Variants in KIF24 observed in about 807,000 individuals in gnomAD.
KIF24 encodes the protein kinesin-like protein KIF24.
Under a neutral mutation model 118.9 loss-of-function variants are expected in KIF24, and 81 were observed. That is an observed-to-expected ratio of 0.68 (90% CI 0.57 to 0.82). The LOEUF (loss-of-function observed/expected upper bound fraction) is 0.82, where lower values mean the gene tolerates loss of function less well. Ranked by LOEUF, KIF24 falls within the 40% of genes least tolerant of loss-of-function variation. The probability of loss-of-function intolerance (pLI) is 0.00; values close to 1 mark genes in which losing one functional copy is unlikely to be tolerated. For synonymous variants in KIF24, 599 were observed against 610.0 expected (o/e 0.98, Z 0.27); for missense variants, 1,560 against 1,661.6 (o/e 0.94, Z 1.06).
rs766479037 is a variant in KIF24, at chr9:34,318,298, G to A, written c.-25-6927C>T. 3.4e-5 allele frequency: 19 copies of A among 558,506 alleles called. No homozygotes were observed. Among genetic ancestry groups the A allele is most frequent in the South Asian group, 1.2e-4 (6 of 48,632 alleles). 34.6% of individuals were successfully genotyped at this position (558,506 alleles called of 1,614,324 possible). On this transcript the variant is annotated intron_variant, in intron 1 of 12. Transcript: ENST00000402558. This position sits in a 1 kb window ranked among gnomAD's most constrained non-coding sequence, Gnocchi z 4.9. ...GAAGAGTAGAATCGTGTCGCGGCTC[G>A]AGAGCGAGACTCCCGTCTTGGAGCC...
chr9:34,298,234 T>C (rs771137519), intron 3 of KIF24, among the ~76,000 whole-genome samples: 5 of 152,046 alleles, frequency 3.3e-5, no homozygotes, highest in Non-Finnish European at 7.4e-5. Context: ...TGAAATACAG[T>C]ATCACAGTAA....
At chr9:34,303,427 C>T (rs1836800377) in intron 3 of KIF24, among the ~76,000 whole-genome samples, 1 of 152,162 alleles carries the variant, frequency 6.6e-6, no homozygotes, top group Non-Finnish European at 1.5e-5. Context: ...TAAACAGATG[C>T]TTTTATAGTG....
At chr9:34,286,549 G>A in intron 6 of KIF24, 68 bp downstream of exon 6, 1 of 1,148,140 alleles carries the variant, frequency 8.7e-7, no homozygotes, top group Admixed American at 1.7e-5. Flanking sequence ...TTGCTTAGTA[G>A]CAAAATGAAT....
chr9:34,284,414 T>C (rs970371579), intron 6 of KIF24, among the ~76,000 whole-genome samples: 1 of 152,136 alleles, frequency 6.6e-6, no homozygotes, highest in Non-Finnish European at 1.5e-5. Context: ...ATGCTCCAAA[T>C]AACTCTAAAA....
upstream of KIF24, among the ~76,000 whole-genome samples, chr9:34,332,839 T>C (rs556732495): frequency 6.6e-6 from 1 of 152,352 alleles, no homozygotes; most frequent in South Asian, 2.1e-4. Flanking sequence ...TGCATTTCTT[T>C]CTTTTTTCTT....
At chr9:34,261,568 A>G (rs1835058512) in intron 9 of KIF24, among the ~76,000 whole-genome samples, 2 of 152,264 alleles carry the variant, frequency 1.3e-5, no homozygotes, top group Non-Finnish European at 2.9e-5. Flanking sequence ...GTGGTCATAC[A>G]GTACATGATC....
chr9:34,319,398 A>G (rs533734481), intron 1 of KIF24: 7 of 921,726 alleles, frequency 7.6e-6, no homozygotes, highest in South Asian at 4.0e-5. Context: ...TGACAAGAAC[A>G]AGGCAAACTT....
At chr9:34,298,011 C>A (rs1396546858) in intron 3 of KIF24, among the ~76,000 whole-genome samples, 1 of 151,820 alleles carries the variant, frequency 6.6e-6, no homozygotes, top group African/African-American at 2.4e-5. Context: ...AAGTACGTGT[C>A]GATTTCAAAG....
intron 6 of KIF24, among the ~76,000 whole-genome samples, chr9:34,281,185 C>T (rs576992487): frequency 3.9e-5 from 6 of 152,208 alleles, no homozygotes; most frequent in African/African-American, 7.2e-5. Context: ...ACCACCATAC[C>T]CGGCTCATTT....
At chr9:34,261,975 C>G (rs1283179615) in intron 9 of KIF24, among the ~76,000 whole-genome samples, 1 of 152,012 alleles carries the variant, frequency 6.6e-6, no homozygotes, top group African/African-American at 2.4e-5. Context: ...TTTTTGTCGC[C>G]CAGGCTGGAG....
chr9:34,296,493 C>T lies in KIF24; in HGVS notation c.911+524G>A, dbSNP rs192595805. ...CAGAGCTTGCAGTGAGCTGAGATCA[C>T]GCCACTGCACTCCAGCCTGGGCGAC... On this transcript the variant is annotated intron_variant, in intron 4 of 12. Transcript: ENST00000402558. 4.3e-3 allele frequency among the ~76,000 whole-genome samples: 641 copies of T among 150,810 alleles called. 3 individuals carry two copies. The highest frequency in any genetic ancestry group is 6.8e-3 in the Middle Eastern group (2 of 294).
intron 4 of KIF24, among the ~76,000 whole-genome samples, chr9:34,293,207 C>T (rs1330050512): frequency 3.3e-5 from 5 of 152,082 alleles, no homozygotes; most frequent in South Asian, 2.1e-4. Context: ...GGGCCAGGCA[C>T]GGTGGCTCAC....
upstream of KIF24, among the ~76,000 whole-genome samples, chr9:34,330,074 C>T (rs1837850331): frequency 6.6e-6 from 1 of 152,232 alleles, no homozygotes; most frequent in African/African-American, 2.4e-5. Context: ...AACAAGAGCC[C>T]CACCGCCTTA....
intron 6 of KIF24, 42 bp from the exon 7 acceptor site, chr9:34,271,972 C>A: frequency 6.5e-7 from 1 of 1,543,832 alleles, no homozygotes; most frequent in South Asian, 1.2e-5. Context: ...AAGGAGTAAA[C>A]AAAAGCCTCT....
intron 8 of KIF24, among the ~76,000 whole-genome samples, chr9:34,266,677 C>T (rs1484214789): frequency 9.5e-6 from 1 of 105,310 alleles, no homozygotes; most frequent in Non-Finnish European, 2.0e-5. Context: ...GACTCCATCT[C>T]AGAAAAAAAA....
chr9:34,315,117 T>C (rs1426104652), intron 1 of KIF24, among the ~76,000 whole-genome samples: 1 of 152,220 alleles, frequency 6.6e-6, no homozygotes. Context: ...TATTGTCATT[T>C]CTATGTCACT....
chr9:34,283,566 G>A (rs1235509193), intron 6 of KIF24, among the ~76,000 whole-genome samples: 1 of 152,020 alleles, frequency 6.6e-6, no homozygotes, highest in Non-Finnish European at 1.5e-5. Context: ...TGATTTAATT[G>A]ACTTGAGGAC....
intron 8 of KIF24, among the ~76,000 whole-genome samples, chr9:34,266,049 C>A (rs188916126): frequency 4.9e-4 from 75 of 151,996 alleles, no homozygotes; most frequent in African/African-American, 1.8e-3. Context: ...TGTGCCACCA[C>A]GCCCAGCTAA....
intron 3 of KIF24, among the ~76,000 whole-genome samples, chr9:34,300,063 G>C (rs1836640375): frequency 1.3e-5 from 2 of 152,094 alleles, no homozygotes; most frequent in African/African-American, 4.8e-5. Flanking sequence ...TCTACCCCCA[G>C]TTTGAATCTG....
Sources: allele counts gnomAD v4.1 joint callset (sites outside exome capture counted in the v4.1 genomes callset), GRCh38; gene constraint gnomAD v4.1.1; non-coding constraint Gnocchi (gnomAD v3.1); transcripts MANE v1.5; gene names NCBI Gene and HGNC (gene_info 2026-07-23, HGNC 2026-07-21).